Variants in WWOX observed in about 807,000 individuals in gnomAD.
The protein encoded by WWOX is WW domain-containing oxidoreductase.
In WWOX, 69 loss-of-function variants were observed where a neutral mutation model predicts 46.2. The observed-to-expected ratio is 1.49, with a 90% CI of 1.23 to 1.82. WWOX has a LOEUF of 1.82. Among genes scored for constraint, WWOX ranks in the 40% most tolerant of loss-of-function variants. The probability of loss-of-function intolerance (pLI) is 0.00; values close to 1 mark genes in which losing one functional copy is unlikely to be tolerated. For missense variants in WWOX, 919 were observed against 542.6 expected (o/e 1.69, Z -6.89); for synonymous variants, 359 against 202.6 (o/e 1.77, Z -6.56).
intron 8 of WWOX, among the ~76,000 whole-genome samples, chr16:78,628,640 C>G (rs978569531): frequency 1.3e-5 from 2 of 151,774 alleles, no homozygotes; most frequent in East Asian, 1.9e-4. Context: ...TTTTAGCTCT[C>G]TTTGTCTGGA....
chr16:78,444,655 C>G (rs1483244463), intron 8 of WWOX, among the ~76,000 whole-genome samples: 1 of 151,696 alleles, frequency 6.6e-6, no homozygotes, highest in Non-Finnish European at 1.5e-5. Flanking sequence ...CTCAGACTCC[C>G]GAGTAGCTAG....
At chr16:78,998,375 G>T (rs763678177) in intron 8 of WWOX, among the ~76,000 whole-genome samples, 15 of 152,110 alleles carry the variant, frequency 9.9e-5, no homozygotes, top group Non-Finnish European at 1.9e-4. Flanking sequence ...TTTGTACTCG[G>T]GCCCAGAGCA....
chr16:78,690,993 G>T (rs995644582), intron 8 of WWOX, among the ~76,000 whole-genome samples: 1 of 152,042 alleles, frequency 6.6e-6, no homozygotes, highest in Non-Finnish European at 1.5e-5. Context: ...AACGCCATTC[G>T]TAGACCCCCT....
intron 8 of WWOX, among the ~76,000 whole-genome samples, chr16:78,999,465 C>T (rs1290581293): frequency 6.6e-6 from 1 of 152,036 alleles, no homozygotes; most frequent in African/African-American, 2.4e-5. Context: ...AGCGAAACTC[C>T]TTCTCAAGAA....
intron 8 of WWOX, among the ~76,000 whole-genome samples, chr16:78,914,356 G>A (rs1342188465): frequency 6.6e-6 from 1 of 152,034 alleles, no homozygotes; most frequent in Non-Finnish European, 1.5e-5. Flanking sequence ...ACAGTACCTG[G>A]CATATAGGAT....
intron 8 of WWOX, among the ~76,000 whole-genome samples, chr16:78,585,018 C>T (rs966246226): frequency 6.6e-6 from 1 of 152,200 alleles, no homozygotes; most frequent in African/African-American, 2.4e-5. Flanking sequence ...ACCGCTTGAC[C>T]TAATTCCCTA....
At position 78,144,516 on chromosome 16, in the gene WWOX, TA is replaced by T. The variant is rs2034128554; in HGVS notation, c.410-19666del. 1.6e-4 allele frequency among the ~76,000 whole-genome samples: 7 copies of T among 42,920 alleles called. 1 individual carries two copies. The highest frequency in any genetic ancestry group is 7.1e-4 in the Admixed American group (2 of 2,836). The allele number at this position is 42,920 out of a possible 152,430, so 28.2% of individuals were successfully genotyped here. On this transcript the variant is annotated intron_variant, in intron 4 of 8. Coordinates refer to ENST00000566780, the MANE Select transcript of WWOX (RefSeq NM_016373.4). ...ACACACACACATATATATATATATA[TA>T]TATATATTTTTTTTTTTTTTTGGAG... is the stretch of plus-strand genomic sequence containing the variant.
chr16:78,692,214 A>T (rs1054135756), intron 8 of WWOX, among the ~76,000 whole-genome samples: 1 of 152,116 alleles, frequency 6.6e-6, no homozygotes, highest in African/African-American at 2.4e-5. Flanking sequence ...GAACTGTCTA[A>T]CTCCTAAGGT....
intron 1 of WWOX, among the ~76,000 whole-genome samples, chr16:78,106,908 AGCTAGCATGGGCT>A (rs1259980439): frequency 6.6e-6 from 1 of 152,192 alleles, no homozygotes; most frequent in East Asian, 1.9e-4. Context: ...GGCTGGACTC[AGCTAGCATGGGCT>A]GCTCAGGTCT....
At chr16:78,752,529 C>G (rs1314873532) in intron 8 of WWOX, among the ~76,000 whole-genome samples, 1 of 152,160 alleles carries the variant, frequency 6.6e-6, no homozygotes, top group Non-Finnish European at 1.5e-5. Flanking sequence ...CTCAGGCTTC[C>G]CAAAGTGCTG....
chr16:78,548,944 C>T (rs1000131684), intron 8 of WWOX, among the ~76,000 whole-genome samples: 1 of 152,182 alleles, frequency 6.6e-6, no homozygotes, highest in Non-Finnish European at 1.5e-5. Flanking sequence ...TTTTGCCCCC[C>T]AAATATAGCC....
chr16:79,067,872 G>T (rs1367242830), intron 8 of WWOX, among the ~76,000 whole-genome samples: 2 of 152,094 alleles, frequency 1.3e-5, no homozygotes, highest in Non-Finnish European at 1.5e-5. Context: ...TTCCCTTCTG[G>T]AACCTTCCAA....
chr16:78,632,496 A>T (rs1297521363), intron 8 of WWOX, among the ~76,000 whole-genome samples: 1 of 147,918 alleles, frequency 6.8e-6, no homozygotes, highest in Non-Finnish European at 1.5e-5. Flanking sequence ...CAAGGTGTTG[A>T]TAGAACCCCT....
At chr16:78,976,512 T>A (rs2046575385) in intron 8 of WWOX, among the ~76,000 whole-genome samples, 1 of 152,152 alleles carries the variant, frequency 6.6e-6, no homozygotes, top group African/African-American at 2.4e-5. Flanking sequence ...AGCAAGAACG[T>A]GAGGGGTGAT....
Position 78,348,355 on chromosome 16 carries a change from A to G in WWOX, c.517-38505A>G, listed in dbSNP as rs1341738183. 2.5e-5 allele frequency among the ~76,000 whole-genome samples: 3 copies of G among 121,768 alleles called. 1 individual carries two copies. Among genetic ancestry groups the G allele is most frequent in the Non-Finnish European group, 5.9e-5 (3 of 50,770 alleles). 79.9% of individuals were successfully genotyped at this position (121,768 alleles called of 152,430 possible). A position where few individuals can be genotyped will look rare whatever the true frequency, so the allele number is the denominator to read the frequency against. ...GGAAAGAGTGGCAAAGAACCATCCC[A>G]GCAGATAGCTTGAGGGTGGGAAGGG... is the stretch of plus-strand genomic sequence containing the variant. On this transcript the variant is annotated intron_variant, in intron 5 of 8. Coordinates refer to ENST00000566780, the MANE Select transcript of WWOX (RefSeq NM_016373.4).
intron 8 of WWOX, among the ~76,000 whole-genome samples, chr16:79,130,532 G>A (rs887800779): frequency 6.6e-6 from 1 of 152,154 alleles, no homozygotes; most frequent in African/African-American, 2.4e-5. Flanking sequence ...AGGACTCAAG[G>A]ACTGTGGAAC....
At chr16:78,121,002 TC>T (rs988545682) in intron 4 of WWOX, among the ~76,000 whole-genome samples, 2 of 152,058 alleles carry the variant, frequency 1.3e-5, no homozygotes, top group Non-Finnish European at 2.9e-5. Context: ...TTCTAGTTAT[TC>T]CAAAAGGTCC....
chr16:79,087,846 C>G (rs1374201397), intron 8 of WWOX, among the ~76,000 whole-genome samples: 1 of 152,070 alleles, frequency 6.6e-6, no homozygotes. Context: ...CTCAAGGGGA[C>G]CAGGAAATGC....
At chr16:78,461,428 G>A (rs1470600745) in intron 8 of WWOX, among the ~76,000 whole-genome samples, 1 of 152,228 alleles carries the variant, frequency 6.6e-6, no homozygotes, top group Non-Finnish European at 1.5e-5. Flanking sequence ...ATAGATGGTA[G>A]AGAATTCTGG....
Sources: gnomAD v4.1 joint callset for allele counts (sites outside exome capture counted in the v4.1 genomes callset) on GRCh38, gnomAD v4.1.1 for gene constraint, MANE v1.5 for transcripts, NCBI Gene and HGNC (gene_info 2026-07-23, HGNC 2026-07-21) for gene names.